SCRG1: variants seen among roughly 807,000 people sequenced by gnomAD.
The protein encoded by SCRG1 is scrapie-responsive protein 1.
A neutral mutation model predicts 7.7 loss-of-function variants in SCRG1; 3 were observed. That is an observed-to-expected ratio of 0.39 (90% confidence interval 0.18 to 1.01). The LOEUF (loss-of-function observed/expected upper bound fraction) is 1.01, where lower values mean the gene tolerates loss of function less well. Ranked by LOEUF, SCRG1 falls within the 50% of genes least tolerant of loss-of-function variation. The probability of loss-of-function intolerance (pLI) is 0.36; values close to 1 mark genes in which losing one functional copy is unlikely to be tolerated. For synonymous variants in SCRG1, 46 were observed against 41.2 expected (o/e 1.12, Z -0.44); for missense variants, 110 against 117.2 (o/e 0.94, Z 0.28).
chr4:173,481,625 A>G, the SCRG1 span, among the ~76,000 whole-genome samples: 6 of 152,170 alleles, frequency 3.9e-5, no homozygotes, highest in Non-Finnish European at 7.4e-5. Context: ...CTGAGACAGC[A>G]AGACCAACCC....
chr4:173,439,655 T>C, the SCRG1 span, among the ~76,000 whole-genome samples: 3 of 151,912 alleles, frequency 2.0e-5, no homozygotes, highest in African/African-American at 7.2e-5. Flanking sequence ...GAAAACTATA[T>C]TTAGATATAT....
At chr4:173,517,477 G>A in the SCRG1 span, among the ~76,000 whole-genome samples, 9 of 150,976 alleles carry the variant, frequency 6.0e-5, no homozygotes, top group East Asian at 1.4e-3. Context: ...GGAAGTAACT[G>A]CTATTTTTTT....
chr4:173,513,190 A>C, the SCRG1 span, among the ~76,000 whole-genome samples: 1 of 152,202 alleles, frequency 6.6e-6, no homozygotes, highest in Non-Finnish European at 1.5e-5. Flanking sequence ...AATTCTAGGC[A>C]GAATTTGATC....
the SCRG1 span, among the ~76,000 whole-genome samples, chr4:173,500,591 C>A: frequency 6.6e-6 from 1 of 152,094 alleles, no homozygotes; most frequent in Admixed American, 6.6e-5. Flanking sequence ...GTGATTCTCC[C>A]ACCTCAGCTT....
rs11302799 is a variant in SCRG1, at chr4:173,386,301, A to ATTTTTTTTTTTTTTTTTTTTT, written c.*2039_*2040insAAAAAAAAAAAAAAAAAAAAA. 1 of 117,028 alleles carries ATTTTTTTTTTTTTTTTTTTTT rather than the reference A, an allele frequency of 8.5e-6. No individual in the cohort carries two copies. Among genetic ancestry groups the ATTTTTTTTTTTTTTTTTTTTT allele is most frequent in the African/African-American group, 3.1e-5 (1 of 32,528 alleles). 7.2% of individuals were successfully genotyped at this position (117,028 alleles called of 1,614,324 possible). On this transcript the variant is annotated 3_prime_UTR_variant, in exon 3 of 3. Transcript: ENST00000296506. ...AGGCGCCTGCCACCACGCCCAGCTA[A>ATTTTTTTTTTTTTTTTTTTTT]TTTTTTTTTTTTTTTTTTTTGTATT... is the stretch of plus-strand genomic sequence containing the variant.
At chr4:173,434,441 G>A in the SCRG1 span, among the ~76,000 whole-genome samples, 4 of 152,172 alleles carry the variant, frequency 2.6e-5, no homozygotes, top group Non-Finnish European at 4.4e-5. Flanking sequence ...GAAGGAGATC[G>A]TGTGACTTGG....
At chr4:173,409,880 C>T (rs1441772556), upstream of SCRG1, among the ~76,000 whole-genome samples, 1 of 152,134 alleles carries the variant, frequency 6.6e-6, no homozygotes, top group African/African-American at 2.4e-5. Context: ...TGAGCCACTG[C>T]ATCCAGCCTC....
At chr4:173,483,753 G>C in the SCRG1 span, among the ~76,000 whole-genome samples, 2,106 of 3,424 alleles carry the variant, frequency 0.62, 985 homozygotes, top group Middle Eastern at 1. Context: ...TATTATATGT[G>C]ATATATCATA....
At chr4:173,511,034 T>A in the SCRG1 span, among the ~76,000 whole-genome samples, 7 of 152,156 alleles carry the variant, frequency 4.6e-5, no homozygotes, top group African/African-American at 1.2e-4. The surrounding 1 kb of genome is among the most constrained non-coding windows in gnomAD (Gnocchi z 5.2). Flanking sequence ...TGGCACTATC[T>A]CTGCTCACTG....
chr4:173,513,054 A>G, the SCRG1 span, among the ~76,000 whole-genome samples: 1 of 152,222 alleles, frequency 6.6e-6, no homozygotes, highest in Non-Finnish European at 1.5e-5. Flanking sequence ...GGACTAGAAC[A>G]TAGCAAAAAA....
the SCRG1 span, among the ~76,000 whole-genome samples, chr4:173,472,636 T>A: frequency 1.3e-5 from 2 of 152,090 alleles, no homozygotes; most frequent in African/African-American, 4.8e-5. Context: ...GGCAGGAAAA[T>A]CCGATGTCCC....
At chr4:173,394,581 T>G (rs951410993) in intron 1 of SCRG1, among the ~76,000 whole-genome samples, 2 of 152,044 alleles carry the variant, frequency 1.3e-5, no homozygotes, top group Non-Finnish European at 2.9e-5. Flanking sequence ...GAGGCAGAGA[T>G]TGTAGTGAGC....
At chr4:173,391,044 A>G in intron 2 of SCRG1, 129 bp downstream of exon 2, 1 of 905,948 alleles carries the variant, frequency 1.1e-6, no homozygotes, top group Admixed American at 2.1e-5. Flanking sequence ...TATTCTAGAA[A>G]AGAGCTGGGA....
chr4:173,517,792 G>A, the SCRG1 span, among the ~76,000 whole-genome samples: 1 of 152,256 alleles, frequency 6.6e-6, no homozygotes, highest in Non-Finnish European at 1.5e-5. Flanking sequence ...AGCCACAAAA[G>A]AGCCTGGTCT....
intron 2 of SCRG1, among the ~76,000 whole-genome samples, chr4:173,389,300 C>G (rs1381661677): frequency 6.6e-6 from 1 of 152,010 alleles, no homozygotes; most frequent in East Asian, 1.9e-4. Context: ...TTTGGGAGGC[C>G]AAGGCGGGCA....
chr4:173,390,456 T>TTTG (rs1739394857), intron 2 of SCRG1, among the ~76,000 whole-genome samples: 1 of 151,492 alleles, frequency 6.6e-6, no homozygotes, highest in Admixed American at 6.6e-5. Context: ...CACTGAGTTT[T>TTTG]TTGTTGTTGT....
At chr4:173,516,865 C>T in the SCRG1 span, among the ~76,000 whole-genome samples, 1 of 152,228 alleles carries the variant, frequency 6.6e-6, no homozygotes, top group Non-Finnish European at 1.5e-5. Context: ...CGACAAAGCC[C>T]TACTTTGCTT....
At chr4:173,490,934 C>T in the SCRG1 span, among the ~76,000 whole-genome samples, 5 of 152,158 alleles carry the variant, frequency 3.3e-5, no homozygotes, top group Admixed American at 6.5e-5. Context: ...GTCCCGTCCT[C>T]TCCCTGCCCT....
the SCRG1 span, among the ~76,000 whole-genome samples, chr4:173,505,613 C>G: frequency 1.3e-5 from 2 of 152,170 alleles, no homozygotes; most frequent in Non-Finnish European, 2.9e-5. This position sits in a 1 kb window ranked among gnomAD's most constrained non-coding sequence, Gnocchi z 4.4. Context: ...GCCACAGGCC[C>G]GAACACTCCT....
Sources: allele counts gnomAD v4.1 joint callset (sites outside exome capture counted in the v4.1 genomes callset), GRCh38; gene constraint gnomAD v4.1.1; non-coding constraint Gnocchi (gnomAD v3.1); transcripts MANE v1.5; gene names NCBI Gene and HGNC (gene_info 2026-07-23, HGNC 2026-07-21).